Variants in KANK1 observed in about 807,000 individuals in gnomAD.
KANK1 encodes KN motif and ankyrin repeat domains 1, also known as KN motif and ankyrin repeat domain-containing protein 1.
KANK1 carries 109 observed loss-of-function variants against 106.2 expected under a neutral mutation model. The ratio of observed to expected loss-of-function variants is 1.03; its 90% confidence interval spans 0.88 to 1.20. The LOEUF (loss-of-function observed/expected upper bound fraction) is 1.20, where lower values mean the gene tolerates loss of function less well. Ranked by LOEUF, KANK1 falls within the 50% of genes most tolerant of loss-of-function variation. The probability of loss-of-function intolerance (pLI) is 0.00; values close to 1 mark genes in which losing one functional copy is unlikely to be tolerated. For synonymous variants in KANK1, 873 were observed against 652.2 expected, an observed-to-expected ratio of 1.34 and a Z score of -5.16; for missense variants, 2,399 against 1,710.7, an observed-to-expected ratio of 1.40 and a Z score of -7.10.
intron 2 of KANK1, among the ~76,000 whole-genome samples, chr9:709,491 T>A (rs1825314444): frequency 6.6e-6 from 1 of 152,208 alleles, no homozygotes; most frequent in African/African-American, 2.4e-5. Context: ...TACTGACTTT[T>A]AGTTTTTTTG....
chr9:681,664 C>T (rs1696277823), intron 2 of KANK1, among the ~76,000 whole-genome samples: 1 of 152,126 alleles, frequency 6.6e-6, no homozygotes, highest in African/African-American at 2.4e-5. Context: ...TAGCACCATT[C>T]CCCTTGTTCT....
chr9:580,488 G>A (rs1350907664), intron 1 of KANK1, among the ~76,000 whole-genome samples: 1 of 152,168 alleles, frequency 6.6e-6, no homozygotes, highest in Non-Finnish European at 1.5e-5. Context: ...AGAGCTGATT[G>A]GTCCATTTTG....
intron 2 of KANK1, chr9:685,479 AT>A (rs1042954593): frequency 6.6e-6 from 1 of 152,160 alleles, no homozygotes; most frequent in African/African-American, 2.4e-5. Context: ...AAATTGTTGG[AT>A]TTGTAGGATT....
intron 3 of KANK1, among the ~76,000 whole-genome samples, chr9:490,586 AAGAT>A (rs1348780852): frequency 6.6e-6 from 1 of 152,232 alleles, no homozygotes; most frequent in African/African-American, 2.4e-5. Context: ...TATCTCCAGA[AAGAT>A]CTATTTGGAC....
intron 1 of KANK1, among the ~76,000 whole-genome samples, chr9:569,229 G>A (rs988503378): frequency 6.6e-5 from 10 of 151,874 alleles, no homozygotes; most frequent in Admixed American, 2.0e-4. Context: ...CTATATGTTC[G>A]TCTCCTATTT....
chr9:703,332 T>C (rs1015230286), intron 2 of KANK1, among the ~76,000 whole-genome samples: 3 of 152,052 alleles, frequency 2.0e-5, no homozygotes, highest in Non-Finnish European at 4.4e-5. Context: ...TCTCAATTAG[T>C]GTTAAGGGTG....
intron 1 of KANK1, among the ~76,000 whole-genome samples, chr9:546,676 CA>C (rs1563748517): frequency 6.6e-6 from 1 of 151,936 alleles, no homozygotes; most frequent in African/African-American, 2.4e-5. Context: ...CCCACTCCCC[CA>C]AGCAGTAAAT....
chr9:691,733 G>A (rs954179331), intron 2 of KANK1, among the ~76,000 whole-genome samples: 12 of 145,586 alleles, frequency 8.2e-5, no homozygotes, highest in Non-Finnish European at 1.5e-4. Flanking sequence ...CCCAGTCTCA[G>A]CTCCCGAGAA....
intron 1 of KANK1, among the ~76,000 whole-genome samples, chr9:555,195 C>T (rs1329667171): frequency 6.6e-6 from 1 of 152,138 alleles, no homozygotes; most frequent in Non-Finnish European, 1.5e-5. Flanking sequence ...CCTGAGAAAG[C>T]CATTTCCTAG....
At chr9:570,622 A>T (rs1818918860) in intron 1 of KANK1, among the ~76,000 whole-genome samples, 1 of 152,242 alleles carries the variant, frequency 6.6e-6, no homozygotes, top group African/African-American at 2.4e-5. Flanking sequence ...GAAACTGAGC[A>T]TTGGAGACTT....
intron 2 of KANK1, chr9:706,758 C>G (rs1419289224): frequency 4.1e-6 from 4 of 984,784 alleles, no homozygotes; most frequent in African/African-American, 3.5e-5. Flanking sequence ...TGCTCTGGAA[C>G]CAGTGAGTGC....
Position 734,736 on chromosome 9 carries a change from T to C in KANK1, c.3246-12T>C. ...CTTGTGACCAATCGTAACTTGTTTT[T>C]TCTCCTTTCAGGTATGAATTAAGTG... On this transcript the variant is annotated splice_polypyrimidine_tract_variant and intron_variant, in intron 6 of 11. Transcript: ENST00000382297. 1 of 1,576,526 alleles carries C rather than the reference T, an allele frequency of 6.3e-7. No individual in the cohort carries two copies. The highest frequency in any genetic ancestry group is 8.7e-7 in the Non-Finnish European group (1 of 1,147,030).
In KANK1 at chr9:712,966, CG is replaced by C; in HGVS notation, c.2202del (p.Ser735ProfsTer20). On this transcript the variant is annotated frameshift_variant, in exon 3 of 12. Coordinates refer to ENST00000382297, the MANE Select transcript of KANK1 (RefSeq NM_015158.5). LOFTEE classifies it high-confidence loss of function. ...VKDINSSTKT[R>X]SIGVGTLLSG... Reference sequence around the variant, plus strand: ...GGACATCAACTCCTCCACCAAGACGCGGTCCATTGGTGTTGGAACGTTGCTT... The same window carrying C: ...GGACATCAACTCCTCCACCAAGACGCGTCCATTGGTGTTGGAACGTTGCTT... The C allele has an allele frequency of 6.2e-7, 1 of 1,614,180 alleles. No individual in the cohort carries two copies. The highest frequency in any genetic ancestry group is 8.5e-7 in the Non-Finnish European group (1 of 1,180,032).
intron 3 of KANK1, among the ~76,000 whole-genome samples, chr9:476,268 C>G (rs184672068): frequency 6.8e-4 from 104 of 152,214 alleles, no homozygotes; most frequent in African/African-American, 2.5e-3. Context: ...CGCCTGTAAT[C>G]CCAGCACTTT....
chr9:663,533 G>A (rs181584678), intron 1 of KANK1, among the ~76,000 whole-genome samples: 11 of 152,332 alleles, frequency 7.2e-5, no homozygotes, highest in Admixed American at 7.2e-4. Flanking sequence ...AAAAGAGAAA[G>A]TTTAATCATT....
intron 3 of KANK1, among the ~76,000 whole-genome samples, 165 bp from the exon 4 acceptor site, chr9:729,886 T>C (rs1389225850): frequency 6.6e-6 from 1 of 152,170 alleles, no homozygotes; most frequent in African/African-American, 2.4e-5. Context: ...GCAGTCTGCC[T>C]ACGCTAATGA....
chr9:522,813 C>G (rs1376079833), intron 1 of KANK1, among the ~76,000 whole-genome samples: 1 of 151,658 alleles, frequency 6.6e-6, no homozygotes, highest in African/African-American at 2.4e-5. Context: ...AGCCTCTGAC[C>G]TACCCTGGTT....
intron 3 of KANK1, chr9:484,230 C>A (rs1017179332): frequency 6.6e-6 from 1 of 152,192 alleles, no homozygotes; most frequent in Admixed American, 6.5e-5. Flanking sequence ...GGCAGACAAG[C>A]AGTTATTTGT....
At chr9:565,063 C>G (rs980079860) in intron 1 of KANK1, among the ~76,000 whole-genome samples, 1 of 152,130 alleles carries the variant, frequency 6.6e-6, no homozygotes, top group East Asian at 1.9e-4. Context: ...GAAGAGAGAC[C>G]AAAGTGTGAC....
Sources: allele counts gnomAD v4.1 joint callset (sites outside exome capture counted in the v4.1 genomes callset), GRCh38; gene constraint gnomAD v4.1.1; transcripts MANE v1.5; gene names NCBI Gene and HGNC (gene_info 2026-07-23, HGNC 2026-07-21).